The following CROCC2 variants were observed in gnomAD, a reference collection of about 807,000 sequenced individuals.
CROCC2 encodes ciliary rootlet coiled-coil protein 2.
A neutral mutation model predicts 177.6 loss-of-function variants in CROCC2; 163 were observed. That is an observed-to-expected ratio of 0.92 (90% confidence interval 0.81 to 1.05). The LOEUF (loss-of-function observed/expected upper bound fraction) is 1.05. Ranked by LOEUF, CROCC2 falls within the 50% of genes least tolerant of loss-of-function variation. The probability of loss-of-function intolerance (pLI) is 0.00; values close to 1 mark genes in which losing one functional copy is unlikely to be tolerated. For missense variants in CROCC2, 1,929 were observed against 1,797.8 expected, an observed-to-expected ratio of 1.07 and a Z score of -1.32; for synonymous variants, 904 against 787.3, an observed-to-expected ratio of 1.15 and a Z score of -2.48.
chr2:240,951,707 C>T (rs541614351), intron 18 of CROCC2, among the ~76,000 whole-genome samples: 2 of 152,340 alleles, frequency 1.3e-5, no homozygotes, highest in South Asian at 4.1e-4. Flanking sequence ...ACTTAACATC[C>T]TTTCATCTGT....
chr2:240,939,914 A>C (rs2059487304), intron 14 of CROCC2, among the ~76,000 whole-genome samples: 1 of 152,194 alleles, frequency 6.6e-6, no homozygotes, highest in African/African-American at 2.4e-5. Flanking sequence ...CATACTCTGT[A>C]TTATTTGAAT....
intron 14 of CROCC2, among the ~76,000 whole-genome samples, chr2:240,935,830 C>A (rs1325076340): frequency 6.6e-6 from 1 of 152,222 alleles, no homozygotes; most frequent in African/African-American, 2.4e-5. Context: ...GGCAGGGGAG[C>A]CCGGGCCTCA....
Position 240,934,918 on chromosome 2 carries a change from C to G in CROCC2, c.1794C>G (p.Ala598=), listed in dbSNP as rs540981846. The change falls in exon 13 of 32, where the codon GCC becomes GCG. Residue 598 remains alanine, a splice_region_variant and synonymous_variant. Coordinates refer to ENST00000690015, the MANE Select transcript of CROCC2 (RefSeq NM_001351305.2). ...REGLRSALAR[A]ECSNADLELL... ...TGGCATCCCCCTCCCTGCCCCAGGC[C>G]GAGTGCAGCAATGCGGACCTGGAGC... 515 of 1,511,028 alleles carry G rather than the reference C, an allele frequency of 3.4e-4. 1 individual carries two copies. The highest frequency in any genetic ancestry group is 2.9e-3 in the African/African-American group (208 of 70,816). 93.6% of individuals were successfully genotyped at this position (1,511,028 alleles called of 1,614,324 possible).
intron 20 of CROCC2, 106 bp downstream of exon 20, chr2:240,959,550 G>T: frequency 7.2e-7 from 1 of 1,381,014 alleles, no homozygotes; most frequent in Non-Finnish European, 9.7e-7. Flanking sequence ...AAGAGAGGCT[G>T]TACCACAGAG....
At chr2:240,912,545 A>G (rs1457711132) in intron 1 of CROCC2, among the ~76,000 whole-genome samples, 8 of 152,232 alleles carry the variant, frequency 5.3e-5, no homozygotes, top group Non-Finnish European at 1.2e-4. Context: ...GTCAAGGTAC[A>G]GGGGGCAGGT....
chr2:240,912,089 C>T (rs375558309), intron 1 of CROCC2, among the ~76,000 whole-genome samples: 7 of 152,142 alleles, frequency 4.6e-5, no homozygotes, highest in East Asian at 3.8e-4. Flanking sequence ...GTAACCGCAC[C>T]GTCTTACCCT....
At chr2:240,969,180 C>G (rs1412968972) in intron 27 of CROCC2, among the ~76,000 whole-genome samples, 2 of 152,318 alleles carry the variant, frequency 1.3e-5, no homozygotes, top group African/African-American at 4.8e-5. Flanking sequence ...ATGAGGGAGG[C>G]CTGGGTGAGC....
chr2:240,926,080 C>A (rs1424369591), intron 5 of CROCC2, among the ~76,000 whole-genome samples, 200 bp downstream of exon 5: 3 of 152,212 alleles, frequency 2.0e-5, no homozygotes. Context: ...CGTGGTCCAC[C>A]CCTACTGCCC....
At chr2:240,968,078 T>TG (rs1281200700) in intron 26 of CROCC2, 51 bp from the exon 27 acceptor site, 1 of 1,381,030 alleles carries the variant, frequency 7.2e-7, no homozygotes, top group East Asian at 2.8e-5. Context: ...TGCCTGCCTG[T>TG]GACCTGGGAG....
intron 14 of CROCC2, among the ~76,000 whole-genome samples, chr2:240,941,716 T>C (rs1000992297): frequency 7.2e-5 from 11 of 152,246 alleles, no homozygotes; most frequent in Non-Finnish European, 1.0e-4. Flanking sequence ...AAATATTATA[T>C]TACTTCACAA....
chr2:240,970,919 G>C (rs1425841191), intron 27 of CROCC2, among the ~76,000 whole-genome samples: 1 of 152,220 alleles, frequency 6.6e-6, no homozygotes, highest in Non-Finnish European at 1.5e-5. Flanking sequence ...CATGGGGTAG[G>C]CTGGGCCACC....
At chr2:240,948,466 GA>G (rs1413074683) in intron 15 of CROCC2, among the ~76,000 whole-genome samples, 3 of 152,220 alleles carry the variant, frequency 2.0e-5, no homozygotes, top group Admixed American at 2.0e-4. Context: ...GAGTCTTTGT[GA>G]TGTGTTTGTA....
chr2:240,964,279 G>C, intron 21 of CROCC2, 187 bp from the exon 22 acceptor site: 1 of 665,982 alleles, frequency 1.5e-6, no homozygotes. Context: ...CCATGCGGCC[G>C]GCACCGGGAC....
rs1192657030 is a variant in CROCC2 at position 240,933,834 on chromosome 2, G to C, written c.1628G>C (p.Cys543Ser). The change falls in exon 11 of 32, where the codon TGC (cysteine) becomes TCC (serine). Residue 543 changes from cysteine (C) to serine (S), a missense_variant. Cys to Ser is a moderately radical substitution (Grantham distance 112). Coordinates refer to ENST00000690015, the MANE Select transcript of CROCC2 (RefSeq NM_001351305.2). The part of the protein sequence containing the change: ...EELALRRERS[C>S]RALETSQGRL... The stretch of plus-strand genomic sequence containing the variant: ...CTGGCTCTGCGGAGGGAGCGGAGCT[G>C]CAGGGCACTGGAGACCAGGTGCGCG... The C allele has an allele frequency of 1.9e-6, 3 of 1,547,422 alleles. No individual in the cohort carries two copies. The highest frequency in any genetic ancestry group is 2.6e-6 in the Non-Finnish European group (3 of 1,146,426).
At position 240,912,694 on chromosome 2, in the gene CROCC2, G is replaced by A. The variant is rs78440575; in HGVS notation, c.79-6032G>A. ...GGCAAAATTCATTAAATCACTGGCC[G>A]TTGGTGATCAGCTCCAGAGACAGCT... On this transcript the variant is annotated intron_variant, in intron 1 of 31. Coordinates refer to ENST00000690015, the MANE Select transcript of CROCC2 (RefSeq NM_001351305.2). 2.4e-3 allele frequency among the ~76,000 whole-genome samples: 371 copies of A among 152,304 alleles called. 1 individual carries two copies. Among genetic ancestry groups the A allele is most frequent in the African/African-American group, 8.5e-3 (354 of 41,552 alleles).
rs532045102 is a variant in CROCC2, at chr2:240,917,539, C to G, written c.79-1187C>G. 6.6e-6 allele frequency among the ~76,000 whole-genome samples: 1 copy of G among 152,242 alleles called. No homozygotes were observed. Among genetic ancestry groups the G allele is most frequent in the South Asian group, 2.1e-4 (1 of 4,824 alleles). ...AGCCAGGTGGTCACCCACGTGGACC[C>G]TGGTCAGGAGGAAAATCCAGGAGGC... is the stretch of plus-strand genomic sequence containing the variant. On this transcript the variant is annotated intron_variant, in intron 1 of 31. Transcript: ENST00000690015. This position sits in a 1 kb window ranked among gnomAD's most constrained non-coding sequence, Gnocchi z 4.9.
At chr2:240,938,416 C>T (rs2059481237) in intron 14 of CROCC2, among the ~76,000 whole-genome samples, 1 of 152,184 alleles carries the variant, frequency 6.6e-6, no homozygotes, top group South Asian at 2.1e-4. Flanking sequence ...CTGTGCAAGT[C>T]AATCTATTCA....
chr2:240,925,469 G>A (rs1050521778), intron 4 of CROCC2, among the ~76,000 whole-genome samples: 2 of 152,234 alleles, frequency 1.3e-5, no homozygotes, highest in African/African-American at 4.8e-5. Flanking sequence ...TCGGGGCAGG[G>A]GCAGATATCG....
intron 18 of CROCC2, 73 bp from the exon 19 acceptor site, chr2:240,955,786 C>A: frequency 9.6e-7 from 1 of 1,044,592 alleles, no homozygotes; most frequent in Non-Finnish European, 1.4e-6. Context: ...GCCACAGCCT[C>A]TCCTTAGAGG....
Sources: gnomAD v4.1 joint callset for allele counts (sites outside exome capture counted in the v4.1 genomes callset) on GRCh38, gnomAD v4.1.1 for gene constraint, Gnocchi (gnomAD v3.1) non-coding constraint, MANE v1.5 for transcripts, NCBI Gene and HGNC (gene_info 2026-07-23, HGNC 2026-07-21) for gene names.